The following PARP14 variants were observed in gnomAD, a reference collection of about 807,000 sequenced individuals.
PARP14 encodes the protein protein mono-ADP-ribosyltransferase PARP14.
A neutral mutation model predicts 154.2 loss-of-function variants in PARP14; 59 were observed. The observed-to-expected ratio is 0.38, with a 90% CI of 0.31 to 0.48. The LOEUF (loss-of-function observed/expected upper bound fraction) is 0.48, where lower values mean the gene tolerates loss of function less well. Among genes scored for constraint, PARP14 ranks in the 20% least tolerant of loss-of-function variants. The pLI is 0.98. For synonymous variants in PARP14, 720 were observed against 780.5 expected, an observed-to-expected ratio of 0.92 and a Z score of 1.29; for missense variants, 1,734 against 2,131.6, an observed-to-expected ratio of 0.81 and a Z score of 3.67.
At position 122,701,390 on chromosome 3, in the gene PARP14, C is replaced by G. The variant is rs767550705; in HGVS notation, c.2836C>G (p.Gln946Glu). ...TGTTTCTGCCATCAAGGAAAACTTC[C>G]AATTCAAGAAGGATGGACACTGCTT... ...TIVSAIKENF[Q>E]FKKDGHCLKE... Residue 946 changes from glutamine (Q) to glutamate (E), a missense_variant, in exon 6 of 17, where the codon CAA becomes GAA. Physicochemically the swap from Gln to Glu is conservative, Grantham distance 29. Transcript: ENST00000474629. The surrounding 1 kb of genome is among the most constrained non-coding windows in gnomAD (Gnocchi z 4.0). The G allele has an allele frequency of 1.9e-6, 3 of 1,613,904 alleles. No individual in the cohort carries two copies. In the Admixed American group the frequency reaches 5.0e-5, roughly 27 times the overall value.
rs756543036 is a variant in PARP14, at chr3:122,718,652, A to G, written c.4501A>G (p.Ser1501Gly). ...KRPLIKVLGI[S>G]RDVMQARDEI... ...ACCTTTGATTAAGGTTTTGGGAATT[A>G]GCAGAGATGTGATGCAGGCTAGAGA... The change falls in exon 14 of 17, where the codon AGC becomes GGC. Residue 1501 changes from serine (S) to glycine (G), a missense_variant. Physicochemically the swap from Ser to Gly is moderately conservative, Grantham distance 56. Transcript: ENST00000474629. 3 of 1,614,000 alleles carry G rather than the reference A, an allele frequency of 1.9e-6. No individual in the cohort carries two copies. Among genetic ancestry groups the G allele is most frequent in the South Asian group, 2.2e-5 (2 of 91,080 alleles).
intron 2 of PARP14, 83 bp from the exon 3 acceptor site, chr3:122,686,997 C>G (rs754327099): frequency 9.6e-6 from 9 of 941,454 alleles, no homozygotes; most frequent in Non-Finnish European, 8.4e-6. Context: ...TACCCTCCAT[C>G]TCCAGGCTGG....
At chr3:122,694,875 A>G (rs1938722159) in intron 4 of PARP14, among the ~76,000 whole-genome samples, 2 of 152,090 alleles carry the variant, frequency 1.3e-5, no homozygotes, top group South Asian at 4.1e-4. Context: ...AATAGGATCA[A>G]GACAAAAACT....
chr3:122,685,641 C>T lies in PARP14; in HGVS notation c.321+323C>T, dbSNP rs774568466. On this transcript the variant is annotated intron_variant, in intron 2 of 16. Coordinates refer to ENST00000474629, the MANE Select transcript of PARP14 (RefSeq NM_017554.3). ...TCTTCTGCCTTAGCCTCCTGAGTAG[C>T]TGTGACTACAGGCATATGCCACTAT... Among the ~76,000 whole-genome samples, 52 of 151,836 alleles carry T rather than the reference C, an allele frequency of 3.4e-4. 2 individuals are homozygous for T. Among genetic ancestry groups the T allele is most frequent in the Admixed American group, 3.2e-3 (48 of 15,230 alleles).
intron 12 of PARP14, among the ~76,000 whole-genome samples, chr3:122,716,516 A>C (rs1282893280): frequency 6.6e-6 from 1 of 152,194 alleles, no homozygotes; most frequent in East Asian, 1.9e-4. Flanking sequence ...GCATGCAAAC[A>C]AACAACTGCA....
At chr3:122,706,474 A>T (rs71329298) in intron 8 of PARP14, among the ~76,000 whole-genome samples, 30,060 of 152,126 alleles carry the variant, frequency 0.2, 3,076 homozygotes, top group Middle Eastern at 0.26. Flanking sequence ...AAAATCAAAA[A>T]TTTTACATAA....
At position 122,692,517 on chromosome 3, in the gene PARP14, C is replaced by T; in HGVS notation, c.572C>T (p.Ala191Val). ...QVEIIRDFDV[A>V]VVTFQKHIDT... ...GAAATAATAAGAGATTTTGATGTTG[C>T]TGTTGTTACCTTTCAAAAGCACATA... is the stretch of plus-strand genomic sequence containing the variant. The change falls in exon 4 of 17, where the codon GCT (alanine) becomes GTT (valine). Residue 191 changes from alanine (A) to valine (V), a missense_variant. By Grantham distance (64) the Ala-to-Val change is moderately conservative. Transcript: ENST00000474629. 1 of 1,611,416 alleles carries T rather than the reference C, an allele frequency of 6.2e-7. No homozygotes were observed. Among genetic ancestry groups the T allele is most frequent in the East Asian group, 2.2e-5 (1 of 44,794 alleles).
intron 1 of PARP14, chr3:122,683,315 A>G (rs766995783): frequency 7.1e-6 from 7 of 982,966 alleles, no homozygotes; most frequent in Non-Finnish European, 8.5e-6. Context: ...GTGCGGGCCC[A>G]TAGCATAACC....
chr3:122,724,218 G>A (rs1933227733), intron 15 of PARP14, among the ~76,000 whole-genome samples: 1 of 152,174 alleles, frequency 6.6e-6, no homozygotes, highest in Non-Finnish European at 1.5e-5. Context: ...TGTGTTGCGT[G>A]TGTTCACTGC....
In PARP14 at chr3:122,699,621, C is replaced by A. The variant is rs749166523; in HGVS notation, c.1067C>A (p.Thr356Lys). The change falls in exon 6 of 17, where the codon ACG (threonine) becomes AAG (lysine). Residue 356 changes from threonine (T) to lysine (K), a missense_variant. Around this residue, in one of 2 missense-constraint regions of PARP14, gnomAD observed 1,646 missense variants for 1,976.0 expected, o/e 0.83. Transcript: ENST00000474629. Reference sequence around the variant, plus strand: ...ATGAGGCGTTGTCACTGTGAGCTCACGTGGTCCCAACTCAGTGGTAAAGTT... The same window carrying A: ...ATGAGGCGTTGTCACTGTGAGCTCAAGTGGTCCCAACTCAGTGGTAAAGTT... ...DEMRRCHCEL[T>K]WSQLSGKVTI... 6.2e-7 allele frequency: 1 copy of A among 1,613,966 alleles called. No individual in the cohort carries two copies. Among genetic ancestry groups the A allele is most frequent in the Admixed American group, 1.7e-5 (1 of 60,030 alleles).
At chr3:122,688,658 G>T (rs967357644) in intron 3 of PARP14, among the ~76,000 whole-genome samples, 1 of 152,146 alleles carries the variant, frequency 6.6e-6, no homozygotes, top group Non-Finnish European at 1.5e-5. Context: ...ATTGGAATGG[G>T]GTAGACAGTT....
intron 6 of PARP14, among the ~76,000 whole-genome samples, chr3:122,702,098 C>T (rs1320979271): frequency 6.6e-6 from 1 of 152,188 alleles, no homozygotes; most frequent in Non-Finnish European, 1.5e-5. Context: ...CAGCGCCCAA[C>T]ACCAGTGAGG....
Position 122,718,054 on chromosome 3 carries a change from A to G in PARP14, c.4001-17A>G, listed in dbSNP as rs1438290982. 6 of 1,607,150 alleles carry G rather than the reference A, an allele frequency of 3.7e-6. No homozygotes were observed. The highest frequency in any genetic ancestry group is 5.1e-6 in the Non-Finnish European group (6 of 1,174,246). On this transcript the variant is annotated splice_polypyrimidine_tract_variant and intron_variant, in intron 12 of 16. Coordinates refer to ENST00000474629, the MANE Select transcript of PARP14 (RefSeq NM_017554.3). The stretch of plus-strand genomic sequence containing the variant: ...GGCTTTTTTGTCCTTCAGCAATTTT[A>G]TTATTTGCTTTTCCAGGAAATGCCA...
intron 5 of PARP14, among the ~76,000 whole-genome samples, chr3:122,698,095 C>T (rs1289443300): frequency 6.6e-6 from 1 of 152,178 alleles, no homozygotes; most frequent in Admixed American, 6.5e-5. Flanking sequence ...AGTTGGTAAT[C>T]ATAAATACTG....
At chr3:122,717,316 TC>T (rs34500558) in intron 12 of PARP14, among the ~76,000 whole-genome samples, 11 of 152,162 alleles carry the variant, frequency 7.2e-5, no homozygotes, top group Admixed American at 7.2e-4. Context: ...ATGGGACTGT[TC>T]CCCCAGCTGG....
chr3:122,725,769 A>G (rs1048384137), intron 15 of PARP14, among the ~76,000 whole-genome samples: 17 of 152,170 alleles, frequency 1.1e-4, no homozygotes, highest in African/African-American at 3.9e-4. Context: ...AGAGTACTTA[A>G]TCTTACTTAC....
At chr3:122,712,146 A>ATT (rs1939336616) in intron 9 of PARP14, among the ~76,000 whole-genome samples, 1 of 151,864 alleles carries the variant, frequency 6.6e-6, no homozygotes, top group South Asian at 2.1e-4. Context: ...CATCATTTCC[A>ATT]TCCATTCAAA....
rs768472486 is a variant in PARP14, at chr3:122,701,494, C to A, written c.2940C>A (p.Ala980=). The change falls in exon 6 of 17, where the codon GCC becomes GCA. Residue 980 remains alanine, a synonymous_variant. Coordinates refer to ENST00000474629, the MANE Select transcript of PARP14 (RefSeq NM_017554.3). This position sits in a 1 kb window ranked among gnomAD's most constrained non-coding sequence, Gnocchi z 4.0. Reference sequence around the variant, plus strand: ...AAGCTGTGAAAACTGTATTTAAAGCCACCCTGCCAGATACAGCTGCCCCGC... The same window carrying A: ...AAGCTGTGAAAACTGTATTTAAAGCAACCCTGCCAGATACAGCTGCCCCGC... ...FAEAVKTVFK[A]TLPDTAAPPG... is the part of the protein sequence containing the mutation. The A allele has an allele frequency of 6.2e-6, 10 of 1,613,780 alleles. No individual in the cohort carries two copies. The South Asian group carries it at 1.1e-4, about 18-fold the overall frequency.
At chr3:122,688,083 G>A (rs1938427462) in intron 3 of PARP14, among the ~76,000 whole-genome samples, 1 of 148,894 alleles carries the variant, frequency 6.7e-6, no homozygotes, top group African/African-American at 2.4e-5. Context: ...TTATGAAATA[G>A]GATTTTTTTT....
Sources: allele counts gnomAD v4.1 joint callset (sites outside exome capture counted in the v4.1 genomes callset), GRCh38; gene constraint gnomAD v4.1.1; regional missense constraint gnomAD v4.1.1; non-coding constraint Gnocchi (gnomAD v3.1); transcripts MANE v1.5; gene names NCBI Gene and HGNC (gene_info 2026-07-23, HGNC 2026-07-21).